Variants in FRY observed in about 807,000 individuals in gnomAD.
FRY encodes FRY microtubule binding protein.
In FRY, 128 loss-of-function variants were observed where a neutral mutation model predicts 348.4. That is an observed-to-expected ratio of 0.37 (90% CI 0.32 to 0.43). The LOEUF (loss-of-function observed/expected upper bound fraction) is 0.43, where lower values mean the gene tolerates loss of function less well. FRY is among the 20% of genes least tolerant of loss of function. The probability of loss-of-function intolerance (pLI) is 1.00; values close to 1 mark genes in which losing one functional copy is unlikely to be tolerated. For missense variants in FRY, 2,736 were observed against 3,695.2 expected (o/e 0.74, Z 6.73); for synonymous variants, 1,370 against 1,374.7 (o/e 1.00, Z 0.08).
At chr13:32,070,522 C>T (rs945700265) in intron 1 of FRY, among the ~76,000 whole-genome samples, 17 of 150,092 alleles carry the variant, frequency 1.1e-4, no homozygotes, top group African/African-American at 2.2e-4. Context: ...TCTTTTGAGA[C>T]GTGTCTGTTC....
chr13:32,251,212 G>A (rs1481604289), intron 49 of FRY, among the ~76,000 whole-genome samples: 2 of 152,168 alleles, frequency 1.3e-5, no homozygotes, highest in African/African-American at 4.8e-5. Context: ...TCTGCCACTG[G>A]AAAAATGTAA....
At chr13:32,045,316 T>C (rs957991928) in intron 1 of FRY, among the ~76,000 whole-genome samples, 2 of 152,238 alleles carry the variant, frequency 1.3e-5, no homozygotes, top group Non-Finnish European at 2.9e-5. Context: ...CATCTGGATC[T>C]TCGTCACCAT....
chr13:32,035,551 G>A (rs1872466137), intron 1 of FRY, among the ~76,000 whole-genome samples: 14 of 152,186 alleles, frequency 9.2e-5, no homozygotes, highest in Admixed American at 9.2e-4. Flanking sequence ...CAGAGCTGGT[G>A]TGTGAGCCCC....
intron 55 of FRY, among the ~76,000 whole-genome samples, chr13:32,274,620 C>T (rs1412459220): frequency 1.5e-5 from 2 of 137,874 alleles, no homozygotes; most frequent in Non-Finnish European, 3.0e-5. Flanking sequence ...AGGAGAATGG[C>T]GTGAACCTGG....
At chr13:32,082,557 TC>T (rs1456872138) in intron 2 of FRY, among the ~76,000 whole-genome samples, 2 of 152,212 alleles carry the variant, frequency 1.3e-5, no homozygotes, top group Non-Finnish European at 2.9e-5. Flanking sequence ...TGGATACAAT[TC>T]CTTCTTGCAT....
At chr13:32,268,755 C>T (rs1319134566) in intron 55 of FRY, among the ~76,000 whole-genome samples, 1 of 151,670 alleles carries the variant, frequency 6.6e-6, no homozygotes, top group African/African-American at 2.4e-5. Flanking sequence ...GCTCACTCTG[C>T]CTCCCAGGTT....
chr13:32,080,807 C>T (rs1022659046), intron 2 of FRY, among the ~76,000 whole-genome samples: 1 of 152,122 alleles, frequency 6.6e-6, no homozygotes, highest in Non-Finnish European at 1.5e-5. Context: ...ATTCATTTCA[C>T]CCTGTAGCCC....
chr13:32,200,183 C>T (rs1209331362), intron 29 of FRY, among the ~76,000 whole-genome samples: 4 of 152,130 alleles, frequency 2.6e-5, no homozygotes, highest in Non-Finnish European at 4.4e-5. Flanking sequence ...TAAAGGCCCC[C>T]GTTCTCAATA....
At chr13:32,244,463 G>T (rs1360030043) in intron 47 of FRY, among the ~76,000 whole-genome samples, 1 of 152,228 alleles carries the variant, frequency 6.6e-6, no homozygotes, top group African/African-American at 2.4e-5. Context: ...GCCTGACTTG[G>T]AGGGCAGAGG....
At chr13:32,153,309 G>A (rs186860888) in intron 14 of FRY, among the ~76,000 whole-genome samples, 11 of 151,984 alleles carry the variant, frequency 7.2e-5, no homozygotes, top group South Asian at 2.1e-4. Flanking sequence ...TCCAAACCCC[G>A]GTGAATGACT....
At chr13:32,242,384 G>A (rs537085368) in intron 46 of FRY, among the ~76,000 whole-genome samples, 5 of 151,894 alleles carry the variant, frequency 3.3e-5, no homozygotes, top group Non-Finnish European at 7.4e-5. Context: ...TTGTTTTCCT[G>A]TATCCCCACT....
chr13:32,286,366 A>G (rs1889052198), intron 58 of FRY, among the ~76,000 whole-genome samples: 1 of 152,218 alleles, frequency 6.6e-6, no homozygotes, highest in Admixed American at 6.5e-5. Context: ...TGATTTAAAA[A>G]AAAATACATT....
chr13:32,167,758 T>G lies in FRY; in HGVS notation c.1893-3254T>G, dbSNP rs1157477270. On this transcript the variant is annotated intron_variant, in intron 17 of 60. Coordinates refer to ENST00000542859, the MANE Select transcript of FRY (RefSeq NM_023037.3). ...GGCTTGTTATCTGTGGAAGCTTATT[T>G]TCTAAGACCTTCAGGTCCATAGACA... is the stretch of plus-strand genomic sequence containing the variant. Among the ~76,000 whole-genome samples, 4 of 152,222 alleles carry G rather than the reference T, an allele frequency of 2.6e-5. No homozygotes were observed. In the East Asian group the frequency reaches 7.7e-4, roughly 29 times the overall value.
At chr13:32,087,685 T>A (rs1875973914) in intron 2 of FRY, among the ~76,000 whole-genome samples, 1 of 152,226 alleles carries the variant, frequency 6.6e-6, no homozygotes, top group Non-Finnish European at 1.5e-5. Flanking sequence ...CTCTGGGCCA[T>A]CTAGAGATTG....
At chr13:32,187,832 A>G (rs55907050) in intron 28 of FRY, among the ~76,000 whole-genome samples, 176 bp downstream of exon 28, 21,364 of 152,184 alleles carry the variant, frequency 0.14, 1,877 homozygotes, top group South Asian at 0.23. Flanking sequence ...AGATAGTAAC[A>G]TTTATCAAAA....
chr13:32,033,713 A>G (rs1258674845), intron 1 of FRY, among the ~76,000 whole-genome samples: 1 of 152,248 alleles, frequency 6.6e-6, no homozygotes, highest in Non-Finnish European at 1.5e-5. Flanking sequence ...TGAATAAGAC[A>G]CAGTCCCTGC....
chr13:32,247,775 AT>A (rs1433827712), intron 48 of FRY, among the ~76,000 whole-genome samples: 1 of 152,258 alleles, frequency 6.6e-6, no homozygotes, highest in African/African-American at 2.4e-5. Flanking sequence ...GATCATAAGC[AT>A]TTTAAACCAT....
At chr13:32,230,293 TC>T (rs772567889) in intron 40 of FRY, among the ~76,000 whole-genome samples, 2 of 152,198 alleles carry the variant, frequency 1.3e-5, no homozygotes, top group Non-Finnish European at 2.9e-5. Context: ...ACAATTCAGC[TC>T]CCACTTATAA....
rs749778978 is a variant in FRY, at chr13:32,228,440, C to T, written c.5207-16C>T. Reference sequence around the variant, plus strand: ...ACTGCCTAGTACATCCCTCCTTGACCTTCTTCTCCCACCAGGTGGCTTTGA... The same window carrying T: ...ACTGCCTAGTACATCCCTCCTTGACTTTCTTCTCCCACCAGGTGGCTTTGA... On this transcript the variant is annotated splice_polypyrimidine_tract_variant and intron_variant, in intron 39 of 60. Coordinates refer to ENST00000542859, the MANE Select transcript of FRY (RefSeq NM_023037.3). The T allele has an allele frequency of 2.5e-6, 4 of 1,605,022 alleles. No individual in the cohort carries two copies. In the African/African-American group the frequency reaches 4.0e-5, roughly 16 times the overall value.
Sources: gnomAD v4.1 joint callset for allele counts (sites outside exome capture counted in the v4.1 genomes callset) on GRCh38, gnomAD v4.1.1 for gene constraint, MANE v1.5 for transcripts, NCBI Gene and HGNC (gene_info 2026-07-23, HGNC 2026-07-21) for gene names.